MACF1: variants seen among roughly 807,000 people sequenced by gnomAD.
The protein encoded by MACF1 is microtubule-actin cross-linking factor 1.
A neutral mutation model predicts 854.8 loss-of-function variants in MACF1; 193 were observed. The observed-to-expected ratio is 0.23, with a 90% CI of 0.20 to 0.25. MACF1 has a LOEUF of 0.25. MACF1 is among the 10% of genes least tolerant of loss of function. MACF1 has a pLI of 1.00. For missense variants in MACF1, 7,722 were observed against 8,929.1 expected (o/e 0.86, Z 5.45); for synonymous variants, 3,185 against 3,226.7 (o/e 0.99, Z 0.44).
chr1:39,285,771 G>A lies in MACF1; in HGVS notation c.1508+13G>A, dbSNP rs1267188075. On this transcript the variant is annotated intron_variant, in intron 14 of 100. Coordinates refer to ENST00000564288, the MANE Select transcript of MACF1 (RefSeq NM_001394062.1). ...AGCTGGCTTTTAGGTGAGGAACAAG[G>A]GACTCAAATGGAGGGCTTGCTTGCT... 4 of 1,612,620 alleles carry A rather than the reference G, an allele frequency of 2.5e-6. No homozygotes were observed. The highest frequency in any genetic ancestry group is 1.7e-5 in the Admixed American group (1 of 59,952).
intron 1 of MACF1, among the ~76,000 whole-genome samples, chr1:39,205,591 A>C (rs1644440655): frequency 6.6e-6 from 1 of 152,018 alleles, no homozygotes; most frequent in Admixed American, 6.6e-5. Flanking sequence ...GGGTGAGAAA[A>C]GGCAGAGGAG....
chr1:39,092,604 GC>G (rs1641833430), intron 2 of MACF1, among the ~76,000 whole-genome samples: 1 of 152,152 alleles, frequency 6.6e-6, no homozygotes, highest in African/African-American at 2.4e-5. Flanking sequence ...TTTCTGGTCA[GC>G]CTAACTCCAA....
chr1:39,353,614 C>T (rs1335087882), intron 44 of MACF1, among the ~76,000 whole-genome samples: 1 of 152,088 alleles, frequency 6.6e-6, no homozygotes, highest in Non-Finnish European at 1.5e-5. Context: ...GATTTCTGTC[C>T]CGAGCTTCAA....
At chr1:39,345,412 C>T (rs1430612163) in intron 40 of MACF1, among the ~76,000 whole-genome samples, 1 of 151,822 alleles carries the variant, frequency 6.6e-6, no homozygotes, top group Non-Finnish European at 1.5e-5. Flanking sequence ...GAGTTTGAGA[C>T]CAGCCTGGGC....
Position 39,336,507 on chromosome 1 carries a change from C to T in MACF1, c.9919C>T (p.Leu3307=), listed in dbSNP as rs758425789. The part of the protein sequence containing the change: ...LETSEEKTVS[L]TVCSAVKTEK... ...GACCAGTGAAGAAAAGACAGTGTCC[C>T]TAACAGTATGCTCTGCAGTGAAGAC... The change falls in exon 37 of 101, where the codon CTA becomes TTA. Residue 3307 remains leucine, a synonymous_variant. Transcript: ENST00000564288. 49 of 1,614,020 alleles carry T rather than the reference C, an allele frequency of 3.0e-5. No individual in the cohort carries two copies. Among genetic ancestry groups the T allele is most frequent in the Middle Eastern group, 1.6e-4 (1 of 6,082 alleles).
intron 6 of MACF1, among the ~76,000 whole-genome samples, chr1:39,264,834 C>G (rs999083914): frequency 6.6e-6 from 1 of 151,584 alleles, no homozygotes; most frequent in Non-Finnish European, 1.5e-5. Flanking sequence ...CCACCGCGCC[C>G]GGCTAATTTT....
Position 39,284,281 on chromosome 1 carries a change from A to C in MACF1, c.1036-52A>C, listed in dbSNP as rs1178764670. 5.7e-6 allele frequency: 9 copies of C among 1,565,828 alleles called. No individual in the cohort carries two copies. The Admixed American group carries it at 1.7e-4, about 30-fold the overall frequency. On this transcript the variant is annotated intron_variant, in intron 10 of 100. Transcript: ENST00000564288. ...GGCTTCTAGGTGAGGTGGTATGAAA[A>C]ATTGGGTCCTATAGTTTGTGTCCAT...
chr1:39,441,379 T>C, intron 74 of MACF1, 54 bp downstream of exon 74: 1 of 1,430,532 alleles, frequency 7.0e-7, no homozygotes, highest in Non-Finnish European at 9.8e-7. Flanking sequence ...TTTTTGCCAT[T>C]TTTGTCATTT....
chr1:39,225,704 T>C (rs1369738500), intron 1 of MACF1, among the ~76,000 whole-genome samples: 1 of 152,134 alleles, frequency 6.6e-6, no homozygotes, highest in Admixed American at 6.5e-5. Context: ...ATAAAGAACA[T>C]TAAAATGAAT....
At chr1:39,285,812 T>C (rs1645631222) in intron 14 of MACF1, 54 bp downstream of exon 14, 2 of 1,594,240 alleles carry the variant, frequency 1.3e-6, no homozygotes, top group Non-Finnish European at 1.7e-6. Context: ...CTGAGGCTCA[T>C]GGATCAAGAG....
At chr1:39,176,032 C>G (rs1284860974) in intron 2 of MACF1, among the ~76,000 whole-genome samples, 23 of 144,452 alleles carry the variant, frequency 1.6e-4, no homozygotes, top group Non-Finnish European at 3.0e-4. Flanking sequence ...ATGTCATGAA[C>G]CCGGGAGGCG....
At chr1:39,204,249 A>G (rs1644425081), upstream of MACF1, 1 of 152,178 alleles carries the variant, frequency 6.6e-6, no homozygotes, top group South Asian at 2.1e-4. Flanking sequence ...AAGTGCTGGG[A>G]TTACAGCCAT....
intron 6 of MACF1, among the ~76,000 whole-genome samples, chr1:39,279,098 G>A (rs1203862048): frequency 6.6e-6 from 1 of 152,190 alleles, no homozygotes. Flanking sequence ...GAGGTGGTGA[G>A]TAGAGGAATG....
intron 2 of MACF1, among the ~76,000 whole-genome samples, chr1:39,153,876 C>A (rs1388403197): frequency 6.6e-6 from 1 of 152,152 alleles, no homozygotes; most frequent in East Asian, 1.9e-4. Context: ...ACACTGCTGC[C>A]AGGGGGAGAC....
At chr1:39,410,315 G>C in intron 58 of MACF1, 2 of 1,612,596 alleles carry the variant, frequency 1.2e-6, no homozygotes, top group Non-Finnish European at 1.7e-6. Context: ...AACCCCAGCT[G>C]CCTGGGGAAA....
chr1:39,346,844 C>A, intron 40 of MACF1, 133 bp from the exon 41 acceptor site: 1 of 668,802 alleles, frequency 1.5e-6, no homozygotes, highest in South Asian at 1.8e-5. Flanking sequence ...TCTAATTTGG[C>A]CCTAGAATCA....
At chr1:39,406,897 T>G (rs984323322) in intron 58 of MACF1, among the ~76,000 whole-genome samples, 8 of 152,200 alleles carry the variant, frequency 5.3e-5, no homozygotes, top group African/African-American at 1.9e-4. Context: ...TGGCCAGGGA[T>G]ATTTGCTAGT....
chr1:39,219,300 T>C (rs1433157254), intron 1 of MACF1, among the ~76,000 whole-genome samples: 1 of 152,242 alleles, frequency 6.6e-6, no homozygotes, highest in African/African-American at 2.4e-5. Flanking sequence ...GTTAAAAGTC[T>C]ATGATCTGAC....
intron 6 of MACF1, among the ~76,000 whole-genome samples, chr1:39,272,988 T>C (rs1645354789): frequency 6.6e-6 from 1 of 152,156 alleles, no homozygotes; most frequent in African/African-American, 2.4e-5. Flanking sequence ...CTGCTTTCAA[T>C]ATCCATACTA....
Sources: gnomAD v4.1 joint callset for allele counts (sites outside exome capture counted in the v4.1 genomes callset) on GRCh38, gnomAD v4.1.1 for gene constraint, MANE v1.5 for transcripts, NCBI Gene and HGNC (gene_info 2026-07-23, HGNC 2026-07-21) for gene names.